The following KCNQ1 variants were observed in gnomAD, a reference collection of about 807,000 sequenced individuals.
KCNQ1 encodes potassium voltage-gated channel subfamily Q member 1.
A neutral mutation model predicts 72.4 loss-of-function variants in KCNQ1; 49 were observed. The ratio of observed to expected loss-of-function variants is 0.68; its 90% CI spans 0.54 to 0.86. KCNQ1 has a LOEUF of 0.86. Among genes scored for constraint, KCNQ1 ranks in the 40% least tolerant of loss-of-function variants. The pLI, the probability that KCNQ1 is intolerant of heterozygous loss-of-function variation, is 0.00. For missense variants in KCNQ1, 790 were observed against 945.1 expected (o/e 0.84, Z 2.15); for synonymous variants, 450 against 412.6 (o/e 1.09, Z -1.10).
In KCNQ1 at chr11:2,772,382, C is replaced by G. The variant is rs1256952775; in HGVS notation, c.1590+3463C>G. On this transcript the variant is annotated intron_variant, in intron 12 of 15. Coordinates refer to ENST00000155840, the MANE Select transcript of KCNQ1 (RefSeq NM_000218.3). The surrounding 1 kb of genome is among the most constrained non-coding windows in gnomAD (Gnocchi z 6.6). The stretch of plus-strand genomic sequence containing the variant: ...CACCCTTCAAGTGTGCCTTGAACTC[C>G]CTGTCCACCATCAGTCAGTCTGGAC... Among the ~76,000 whole-genome samples, 1 of 152,078 alleles carries G rather than the reference C, an allele frequency of 6.6e-6. No homozygotes were observed. The highest frequency in any genetic ancestry group is 2.4e-5 in the African/African-American group (1 of 41,426).
chr11:2,558,654 C>T (rs899380544), intron 2 of KCNQ1, among the ~76,000 whole-genome samples: 4 of 152,230 alleles, frequency 2.6e-5, no homozygotes, highest in Admixed American at 6.5e-5. Flanking sequence ...CGCCGGCTTG[C>T]GCAGCGAGCT....
In KCNQ1 at chr11:2,783,646, T is replaced by C. The variant is rs191876330; in HGVS notation, c.1794+5609T>C. The stretch of plus-strand genomic sequence containing the variant: ...CCAGTAAAGTATAAAGGTTCCACTT[T>C]CTCCACAGCCTTGCAAATACATGGT... On this transcript the variant is annotated intron_variant, in intron 15 of 15. Coordinates refer to ENST00000155840, the MANE Select transcript of KCNQ1 (RefSeq NM_000218.3). The surrounding 1 kb of genome is among the most constrained non-coding windows in gnomAD (Gnocchi z 5.2). Among the ~76,000 whole-genome samples, 1 of 152,204 alleles carries C rather than the reference T, an allele frequency of 6.6e-6. No homozygotes were observed. The highest frequency in any genetic ancestry group is 2.4e-5 in the African/African-American group (1 of 41,590).
In KCNQ1 at chr11:2,684,169, A is replaced by T. The variant is rs548495987; in HGVS notation, c.1514+22088A>T. 1.5e-4 allele frequency: 58 copies of T among 398,680 alleles called. 1 individual carries two copies. The East Asian group carries it at 2.1e-3, about 14-fold the overall frequency. The allele number at this position is 398,680 out of a possible 1,614,324, so 24.7% of individuals were successfully genotyped here. A position where few individuals can be genotyped will look rare whatever the true frequency, so the allele number is the denominator to read the frequency against. ...GGGGTACACCAGAGGACTTAGGAAG[A>T]GAAGCGCCCACTGGGGCTTGGTCAG... On this transcript the variant is annotated intron_variant, in intron 11 of 15. Coordinates refer to ENST00000155840, the MANE Select transcript of KCNQ1 (RefSeq NM_000218.3).
In KCNQ1 at chr11:2,677,506, G is replaced by A; in HGVS notation, c.1514+15425G>A. ...ACTTCTACAAAAAATGATCCTCTCT[G>A]TGGAAGTGCTGCCAACATCCTCTGC... On this transcript the variant is annotated intron_variant, in intron 11 of 15. Transcript: ENST00000155840. The surrounding 1 kb of genome is among the most constrained non-coding windows in gnomAD (Gnocchi z 4.5). 7.5e-6 allele frequency: 3 copies of A among 398,548 alleles called. No individual in the cohort carries two copies. Among genetic ancestry groups the A allele is most frequent in the African/African-American group, 2.1e-5 (1 of 48,718 alleles). 24.7% of individuals were successfully genotyped at this position (398,548 alleles called of 1,614,324 possible). A position where few individuals can be genotyped will look rare whatever the true frequency, so the allele number is the denominator to read the frequency against.
chr11:2,841,913 G>T (rs1011758808), intron 15 of KCNQ1, among the ~76,000 whole-genome samples: 1 of 152,192 alleles, frequency 6.6e-6, no homozygotes, highest in African/African-American at 2.4e-5. Context: ...CTCCTGGGGG[G>T]TGGTCAGTGA....
intron 15 of KCNQ1, among the ~76,000 whole-genome samples, chr11:2,845,073 G>A (rs1316645929): frequency 6.6e-6 from 1 of 152,108 alleles, no homozygotes; most frequent in East Asian, 1.9e-4. Context: ...AAGGCTGAGA[G>A]ACCTCCCATG....
rs1846555349 is a variant in KCNQ1 at position 2,769,509 on chromosome 11, C to T, written c.1590+590C>T. On this transcript the variant is annotated intron_variant, in intron 12 of 15. Transcript: ENST00000155840. The surrounding 1 kb of genome is among the most constrained non-coding windows in gnomAD (Gnocchi z 4.6). Reference sequence around the variant, plus strand: ...CCTAACTTCTCCAGGGGCATGTCCCCCCTACAGAAGCCCCTTAGAGCCCCC... The same window carrying T: ...CCTAACTTCTCCAGGGGCATGTCCCTCCTACAGAAGCCCCTTAGAGCCCCC... Among the ~76,000 whole-genome samples the T allele has an allele frequency of 6.6e-6, 1 of 152,210 alleles. No homozygotes were observed. Among genetic ancestry groups the T allele is most frequent in the Non-Finnish European group, 1.5e-5 (1 of 68,038 alleles).
chr11:2,465,047 C>T (rs928665776), intron 1 of KCNQ1, among the ~76,000 whole-genome samples: 41 of 152,242 alleles, frequency 2.7e-4, no homozygotes, highest in Admixed American at 3.9e-4. Context: ...AAATGGGTAA[C>T]GGCCGCTCCT....
In KCNQ1 at chr11:2,559,906, C is replaced by T. The variant is rs148665349; in HGVS notation, c.478-10722C>T. ...AGGGTGGGGCCTGGTGTGTGGCTTCCGCTGGTTTCCTGGGTGTGTCTTCCT... is the reference window on the plus strand; with the variant it reads ...AGGGTGGGGCCTGGTGTGTGGCTTCTGCTGGTTTCCTGGGTGTGTCTTCCT... On this transcript the variant is annotated intron_variant, in intron 2 of 15. Transcript: ENST00000155840. This position sits in a 1 kb window ranked among gnomAD's most constrained non-coding sequence, Gnocchi z 4.9. Among the ~76,000 whole-genome samples the T allele has an allele frequency of 1.8e-3, 280 of 151,834 alleles. No homozygotes were observed. Among genetic ancestry groups the T allele is most frequent in the African/African-American group, 4.9e-3 (201 of 41,398 alleles).
intron 1 of KCNQ1, among the ~76,000 whole-genome samples, 188 bp from the exon 2 acceptor site, chr11:2,527,740 C>T (rs1012458902): frequency 2.0e-5 from 3 of 152,226 alleles, no homozygotes; most frequent in Non-Finnish European, 2.9e-5. Flanking sequence ...CTTCCCGTGG[C>T]GGGACGGCAT....
chr11:2,510,793 G>A (rs1053598808), intron 1 of KCNQ1, among the ~76,000 whole-genome samples: 2 of 152,174 alleles, frequency 1.3e-5, no homozygotes, highest in Non-Finnish European at 2.9e-5. Context: ...AGGCTGGCAC[G>A]CTCAGATGCA....
In KCNQ1 at chr11:2,611,322, C is replaced by T. The variant is rs191118119; in HGVS notation, c.1393+22468C>T. 30 of 397,364 alleles carry T rather than the reference C, an allele frequency of 7.5e-5. No homozygotes were observed. In the East Asian group the frequency reaches 9.3e-4, roughly 12 times the overall value. 24.6% of individuals were successfully genotyped at this position (397,364 alleles called of 1,614,324 possible). On this transcript the variant is annotated intron_variant, in intron 10 of 15. Transcript: ENST00000155840. The surrounding 1 kb of genome is among the most constrained non-coding windows in gnomAD (Gnocchi z 5.3). ...GCAACCTCTGCCTCCCGGATTCAAG[C>T]CGTTCTCTTGCCTCAGCATCCCAAG...
intron 11 of KCNQ1, chr11:2,672,322 C>T (rs1160131034): frequency 1.5e-5 from 6 of 398,394 alleles, no homozygotes; most frequent in African/African-American, 4.1e-5. Context: ...CTCAAGGGGG[C>T]CTGGTGTGGT....
At chr11:2,753,387 G>A (rs1846255811) in intron 11 of KCNQ1, among the ~76,000 whole-genome samples, 1 of 152,162 alleles carries the variant, frequency 6.6e-6, no homozygotes, top group African/African-American at 2.4e-5. Flanking sequence ...GAGGGTTCCT[G>A]CCTGGGTCCC....
chr11:2,596,941 T>C (rs545079706), intron 10 of KCNQ1, among the ~76,000 whole-genome samples: 1 of 152,062 alleles, frequency 6.6e-6, no homozygotes, highest in African/African-American at 2.4e-5. Context: ...TTTTTATTGA[T>C]AACCTAAAGA....
intron 11 of KCNQ1, among the ~76,000 whole-genome samples, chr11:2,737,489 A>C (rs572941959): frequency 6.6e-6 from 1 of 152,236 alleles, no homozygotes; most frequent in South Asian, 2.1e-4. Flanking sequence ...TGACTCACAG[A>C]GCAATAAAAT....
chr11:2,456,770 A>C (rs1406666918), intron 1 of KCNQ1, among the ~76,000 whole-genome samples: 1 of 108,360 alleles, frequency 9.2e-6, no homozygotes, highest in Non-Finnish European at 1.7e-5. Flanking sequence ...AAATCCAAAA[A>C]AAAAAAAAAA....
In KCNQ1 at chr11:2,658,698, G is replaced by A; in HGVS notation, c.1394-3263G>A. On this transcript the variant is annotated intron_variant, in intron 10 of 15. Transcript: ENST00000155840. The surrounding 1 kb of genome is among the most constrained non-coding windows in gnomAD (Gnocchi z 4.9). ...GGACAGAGCTAGGAAATATATGTAT[G>A]TATGTAACCTGAGTACACATACATC... 2.5e-6 allele frequency: 1 copy of A among 398,460 alleles called. No homozygotes were observed. The highest frequency in any genetic ancestry group is 4.4e-6 in the Non-Finnish European group (1 of 226,026). The allele number at this position is 398,460 out of a possible 1,614,324, so 24.7% of individuals were successfully genotyped here. A position where few individuals can be genotyped will look rare whatever the true frequency, so the allele number is the denominator to read the frequency against.
At chr11:2,466,311 G>T (rs897799986) in intron 1 of KCNQ1, among the ~76,000 whole-genome samples, 36 of 152,128 alleles carry the variant, frequency 2.4e-4, no homozygotes, top group African/African-American at 7.7e-4. Context: ...GGTGCTTGCT[G>T]GGGGGAGAAG....
Sources: gnomAD v4.1 joint callset for allele counts (sites outside exome capture counted in the v4.1 genomes callset) on GRCh38, gnomAD v4.1.1 for gene constraint, Gnocchi (gnomAD v3.1) non-coding constraint, MANE v1.5 for transcripts, NCBI Gene and HGNC (gene_info 2026-07-23, HGNC 2026-07-21) for gene names.